The following FOXN3 variants were observed in gnomAD, a reference collection of about 807,000 sequenced individuals.
FOXN3 encodes the protein forkhead box protein N3.
In FOXN3, 7 loss-of-function variants were observed where a neutral mutation model predicts 38.4. The ratio of observed to expected loss-of-function variants is 0.18; its 90% CI spans 0.10 to 0.34. FOXN3 has a LOEUF of 0.34. FOXN3 is among the 10% of genes least tolerant of loss of function. FOXN3 has a pLI of 1.00. For synonymous variants in FOXN3, 230 were observed against 242.2 expected (o/e 0.95, Z 0.47); for missense variants, 456 against 613.4 (o/e 0.74, Z 2.71).
At chr14:89,513,922 ACACACACGCACG>A (rs1056726806) in intron 1 of FOXN3, among the ~76,000 whole-genome samples, 10 of 151,530 alleles carry the variant, frequency 6.6e-5, no homozygotes, top group South Asian at 2.1e-4. Context: ...ACACACACAC[ACACACACGCACG>A]CACACACGCA....
chr14:89,470,233 C>G (rs777997914), intron 1 of FOXN3, among the ~76,000 whole-genome samples: 1 of 151,606 alleles, frequency 6.6e-6, no homozygotes, highest in Non-Finnish European at 1.5e-5. Context: ...AATTAGAAAA[C>G]AAAACTGGCT....
intron 4 of FOXN3, among the ~76,000 whole-genome samples, chr14:89,209,777 A>G (rs1888474291): frequency 6.6e-6 from 1 of 152,232 alleles, no homozygotes; most frequent in African/African-American, 2.4e-5. Flanking sequence ...CTTTTGGTTC[A>G]GTAAAACAAC....
chr14:89,179,934 T>G (rs1887620972), intron 5 of FOXN3, among the ~76,000 whole-genome samples: 1 of 152,222 alleles, frequency 6.6e-6, no homozygotes, highest in Non-Finnish European at 1.5e-5. Flanking sequence ...ATCAGGGTGA[T>G]GCAGGGGCAG....
At chr14:89,192,212 A>G (rs1314280191) in intron 4 of FOXN3, among the ~76,000 whole-genome samples, 2 of 146,976 alleles carry the variant, frequency 1.4e-5, no homozygotes, top group Non-Finnish European at 3.0e-5. Flanking sequence ...TTAAATATGT[A>G]TATGAATATT....
chr14:89,456,232 C>T (rs1414163637), intron 1 of FOXN3, among the ~76,000 whole-genome samples: 1 of 151,670 alleles, frequency 6.6e-6, no homozygotes, highest in East Asian at 1.9e-4. Flanking sequence ...CAAAAGAGCC[C>T]GTGGGCCCTG....
intron 4 of FOXN3, among the ~76,000 whole-genome samples, chr14:89,259,077 A>C (rs957435443): frequency 4.6e-5 from 7 of 152,238 alleles, no homozygotes; most frequent in African/African-American, 1.7e-4. Context: ...AAGACTACAG[A>C]TTCTGGGCCG....
intron 1 of FOXN3, among the ~76,000 whole-genome samples, chr14:89,503,878 T>C (rs1893853520): frequency 6.6e-6 from 1 of 152,182 alleles, no homozygotes; most frequent in Admixed American, 6.5e-5. Flanking sequence ...TCACACACAA[T>C]GGCTGCTTCC....
chr14:89,284,261 T>C (rs943727468), intron 3 of FOXN3, among the ~76,000 whole-genome samples: 2 of 152,012 alleles, frequency 1.3e-5, no homozygotes, highest in Non-Finnish European at 2.9e-5. Context: ...AGTGATCCCC[T>C]TGCCTCATCC....
At chr14:89,558,648 T>C (rs559129521) in intron 1 of FOXN3, among the ~76,000 whole-genome samples, 1 of 152,352 alleles carries the variant, frequency 6.6e-6, no homozygotes, top group East Asian at 1.9e-4. Context: ...CCTTGAACAA[T>C]GCCTCAGGTC....
chr14:89,515,532 C>T (rs1894182840), intron 1 of FOXN3, among the ~76,000 whole-genome samples: 1 of 151,830 alleles, frequency 6.6e-6, no homozygotes. Context: ...TCAAGACCAG[C>T]CTGGCCAACC....
chr14:89,377,632 TA>T lies in FOXN3; in HGVS notation c.544-26825del, dbSNP rs992919074. Among the ~76,000 whole-genome samples, 2 of 152,124 alleles carry T rather than the reference TA, an allele frequency of 1.3e-5. 1 individual carries two copies. The highest frequency in any genetic ancestry group is 1.3e-4 in the Admixed American group (2 of 15,266). ...TCTGCATGTTTGAATTTTCTCACAG[TA>T]AAAAATAAGAAGGGAAAAGAAAGAA... On this transcript the variant is annotated intron_variant, in intron 2 of 5. Transcript: ENST00000557258.
chr14:89,257,518 G>A (rs1258604733), intron 4 of FOXN3, among the ~76,000 whole-genome samples: 1 of 152,234 alleles, frequency 6.6e-6, no homozygotes, highest in East Asian at 1.9e-4. Context: ...CCTGTGGGAA[G>A]AGACTAGATT....
intron 1 of FOXN3, among the ~76,000 whole-genome samples, chr14:89,451,156 G>C (rs779436073): frequency 6.6e-6 from 1 of 152,052 alleles, no homozygotes; most frequent in Non-Finnish European, 1.5e-5. Context: ...AGAAAGAAAA[G>C]CCAATGTTGA....
At chr14:89,256,812 C>G (rs1885637154) in intron 4 of FOXN3, among the ~76,000 whole-genome samples, 2 of 152,188 alleles carry the variant, frequency 1.3e-5, no homozygotes, top group African/African-American at 4.8e-5. Flanking sequence ...TTCTGACTTT[C>G]TCGACACTGG....
At chr14:89,606,551 T>C (rs1444099433) in intron 1 of FOXN3, among the ~76,000 whole-genome samples, 3 of 152,116 alleles carry the variant, frequency 2.0e-5, no homozygotes, top group Admixed American at 1.3e-4. Flanking sequence ...GTGTGTGTAG[T>C]ATAAAAATAA....
At chr14:89,564,284 A>G (rs1015798387) in intron 1 of FOXN3, among the ~76,000 whole-genome samples, 1 of 152,314 alleles carries the variant, frequency 6.6e-6, no homozygotes, top group East Asian at 1.9e-4. Flanking sequence ...ATATACAAAA[A>G]TAAATAGAAT....
Position 89,218,609 on chromosome 14 carries a change from G to A in FOXN3, c.746-37803C>T, listed in dbSNP as rs980261433. On this transcript the variant is annotated intron_variant, in intron 4 of 5. Transcript: ENST00000557258. ...TCTATTCAAGAGGGATATGGCTCAT[G>A]CCTTTTCATTGCTGAAATTCAATCT... 4.6e-5 allele frequency among the ~76,000 whole-genome samples: 7 copies of A among 152,368 alleles called. No individual in the cohort carries two copies. In the East Asian group the frequency reaches 1.3e-3, roughly 29 times the overall value.
intron 5 of FOXN3, among the ~76,000 whole-genome samples, chr14:89,179,052 A>G (rs1390405375): frequency 6.6e-6 from 1 of 152,244 alleles, no homozygotes; most frequent in Non-Finnish European, 1.5e-5. Context: ...AATGTGAGGT[A>G]AGAGCATTGG....
intron 2 of FOXN3, among the ~76,000 whole-genome samples, chr14:89,407,661 G>A (rs566711708): frequency 9.7e-4 from 147 of 151,684 alleles, no homozygotes; most frequent in Non-Finnish European, 1.9e-3. Flanking sequence ...GCGAAACCCC[G>A]TTTCTATGAA....
Sources: gnomAD v4.1 joint callset for allele counts (sites outside exome capture counted in the v4.1 genomes callset) on GRCh38, gnomAD v4.1.1 for gene constraint, MANE v1.5 for transcripts, NCBI Gene and HGNC (gene_info 2026-07-23, HGNC 2026-07-21) for gene names.